AMPH: variants seen among roughly 807,000 people sequenced by gnomAD.
AMPH encodes amphiphysin (Stiff-Mann syndrome with breast cancer 128kD autoantigen).
AMPH carries 49 observed loss-of-function variants against 99.1 expected under a neutral mutation model. The observed-to-expected ratio is 0.49, with a 90% CI of 0.39 to 0.63. The LOEUF is 0.63. Ranked by LOEUF, AMPH falls within the 20% of genes least tolerant of loss-of-function variation. AMPH has a pLI of 0.00. For synonymous variants in AMPH, 314 were observed against 317.3 expected (o/e 0.99, Z 0.11); for missense variants, 759 against 863.4 (o/e 0.88, Z 1.52).
chr7:38,505,773 G>T (rs778529255), intron 2 of AMPH, among the ~76,000 whole-genome samples: 16 of 152,050 alleles, frequency 1.1e-4, no homozygotes, highest in Non-Finnish European at 1.9e-4. Flanking sequence ...ACCAAGAAAA[G>T]CATATTGCAA....
At chr7:38,556,982 G>A (rs999266499) in intron 1 of AMPH, among the ~76,000 whole-genome samples, 2 of 152,152 alleles carry the variant, frequency 1.3e-5, no homozygotes, top group African/African-American at 4.8e-5. Flanking sequence ...CATGAGCGTA[G>A]AACAATACTA....
intron 19 of AMPH, among the ~76,000 whole-genome samples, chr7:38,390,511 C>T (rs1336964973): frequency 6.6e-6 from 1 of 152,204 alleles, no homozygotes. Flanking sequence ...GTCTGAATCA[C>T]TCTACTGTCA....
intron 1 of AMPH, among the ~76,000 whole-genome samples, chr7:38,543,280 G>A (rs1210348547): frequency 6.6e-6 from 1 of 151,932 alleles, no homozygotes; most frequent in South Asian, 2.1e-4. Flanking sequence ...ATAAAAAAAC[G>A]CTGACCTGCT....
chr7:38,575,295 A>G (rs1221867325), intron 1 of AMPH, among the ~76,000 whole-genome samples: 2 of 152,188 alleles, frequency 1.3e-5, no homozygotes, highest in Non-Finnish European at 2.9e-5. Context: ...TACTGGTATA[A>G]TTAAATATTA....
At chr7:38,610,372 AGAAAG>A (rs1264887051) in intron 1 of AMPH, among the ~76,000 whole-genome samples, 7 of 36,928 alleles carry the variant, frequency 1.9e-4, no homozygotes, top group Non-Finnish European at 4.2e-4. Context: ...AGAAAAGAAA[AGAAAG>A]GAAAGGAAAA....
chr7:38,564,368 C>T (rs1791655342), intron 1 of AMPH, among the ~76,000 whole-genome samples: 2 of 152,130 alleles, frequency 1.3e-5, no homozygotes, highest in South Asian at 4.1e-4. Flanking sequence ...GTGGAACAGC[C>T]TGACAGAAAA....
At chr7:38,578,065 A>C (rs1405167770) in intron 1 of AMPH, among the ~76,000 whole-genome samples, 1 of 152,228 alleles carries the variant, frequency 6.6e-6, no homozygotes, top group Non-Finnish European at 1.5e-5. Flanking sequence ...GGCTGAAATC[A>C]GTTGTTGACA....
intron 3 of AMPH, among the ~76,000 whole-genome samples, chr7:38,498,717 A>T (rs1024060296): frequency 2.0e-5 from 3 of 152,132 alleles, no homozygotes; most frequent in African/African-American, 7.2e-5. Context: ...CACAATAACT[A>T]TTTTTCTAAA....
chr7:38,552,539 G>T (rs1791216636), intron 1 of AMPH, among the ~76,000 whole-genome samples: 1 of 152,134 alleles, frequency 6.6e-6, no homozygotes, highest in Non-Finnish European at 1.5e-5. Context: ...AGTCACCAAG[G>T]CTCTGTGAGC....
intron 1 of AMPH, among the ~76,000 whole-genome samples, chr7:38,569,361 G>T (rs1449314591): frequency 6.6e-6 from 1 of 151,532 alleles, no homozygotes; most frequent in East Asian, 1.9e-4. Flanking sequence ...AATTTCTAAT[G>T]ATAGCTAGAA....
At chr7:38,413,222 G>A (rs1475426416) in intron 17 of AMPH, among the ~76,000 whole-genome samples, 1 of 152,082 alleles carries the variant, frequency 6.6e-6, no homozygotes, top group Non-Finnish European at 1.5e-5. Flanking sequence ...AACTTTTAAG[G>A]TGATTATTAT....
At chr7:38,591,088 G>A (rs968142037) in intron 1 of AMPH, among the ~76,000 whole-genome samples, 6 of 152,022 alleles carry the variant, frequency 3.9e-5, no homozygotes, top group Non-Finnish European at 8.8e-5. Context: ...TTATATTCAG[G>A]AGAATGCGGT....
chr7:38,596,745 C>T (rs1300783802), intron 1 of AMPH, among the ~76,000 whole-genome samples: 1 of 152,186 alleles, frequency 6.6e-6, no homozygotes, highest in Non-Finnish European at 1.5e-5. Flanking sequence ...CTTGCCCACT[C>T]CCACATGACA....
At chr7:38,531,803 G>T (rs919318356) in intron 2 of AMPH, among the ~76,000 whole-genome samples, 5 of 152,004 alleles carry the variant, frequency 3.3e-5, no homozygotes, top group African/African-American at 1.2e-4. Context: ...TATCTTTTGG[G>T]ATATAAAATA....
At chr7:38,533,699 G>A (rs1790495132) in intron 2 of AMPH, among the ~76,000 whole-genome samples, 1 of 152,106 alleles carries the variant, frequency 6.6e-6, no homozygotes, top group Non-Finnish European at 1.5e-5. Context: ...TGTGGACACT[G>A]GTAACTCCAC....
chr7:38,474,348 A>G (rs1267452931), intron 7 of AMPH, among the ~76,000 whole-genome samples: 1 of 152,198 alleles, frequency 6.6e-6, no homozygotes, highest in African/African-American at 2.4e-5. Context: ...ATAATTTCAC[A>G]TGTTGGACTT....
At chr7:38,608,364 G>C (rs1051900395) in intron 1 of AMPH, among the ~76,000 whole-genome samples, 1 of 152,154 alleles carries the variant, frequency 6.6e-6, no homozygotes, top group African/African-American at 2.4e-5. Context: ...AAGGCAACGT[G>C]CTCTCTCTGC....
At chr7:38,398,121 A>C (rs1474282786) in intron 17 of AMPH, among the ~76,000 whole-genome samples, 3 of 148,324 alleles carry the variant, frequency 2.0e-5, no homozygotes, top group Non-Finnish European at 3.0e-5. Context: ...AAAAAAAAAA[A>C]CACAAAAACT....
intron 11 of AMPH, among the ~76,000 whole-genome samples, chr7:38,447,037 G>C (rs1357804955): frequency 6.7e-6 from 1 of 149,666 alleles, no homozygotes; most frequent in African/African-American, 2.4e-5. Flanking sequence ...TTGTTTGTTT[G>C]AGACGGAGTT....
Sources: allele counts gnomAD v4.1 joint callset (sites outside exome capture counted in the v4.1 genomes callset), GRCh38; gene constraint gnomAD v4.1.1; transcripts MANE v1.5; gene names NCBI Gene and HGNC (gene_info 2026-07-23, HGNC 2026-07-21).